The following ZNF292 variants were observed in gnomAD, a reference collection of about 807,000 sequenced individuals.
ZNF292 encodes the protein 16 zinc-finger domain protein.
ZNF292 carries 26 observed loss-of-function variants against 217.9 expected under a neutral mutation model. That is an observed-to-expected ratio of 0.12 (90% CI 0.09 to 0.17). ZNF292 has a LOEUF of 0.17. Among genes scored for constraint, ZNF292 ranks in the 10% least tolerant of loss-of-function variants. ZNF292 has a pLI of 1.00. For missense variants in ZNF292, 2,904 were observed against 3,175.2 expected, an observed-to-expected ratio of 0.91 and a Z score of 2.05; for synonymous variants, 1,257 against 1,124.1, an observed-to-expected ratio of 1.12 and a Z score of -2.37.
intron 5 of ZNF292, 60 bp downstream of exon 5, chr6:87,233,587 A>G: frequency 6.4e-7 from 1 of 1,562,498 alleles, no homozygotes; most frequent in Non-Finnish European, 8.7e-7. Context: ...ATTTTTAATT[A>G]GAATGTCTTT....
At chr6:87,216,912 A>G (rs73754114) in intron 3 of ZNF292, among the ~76,000 whole-genome samples, 1,682 of 152,042 alleles carry the variant, frequency 0.011, 35 homozygotes, top group African/African-American at 0.037. Context: ...TGCTTTGTCT[A>G]TTTTATTTAG....
rs769464672 is a variant in ZNF292 at position 87,260,386 on chromosome 6, G to A, written c.6757G>A (p.Asp2253Asn). 1.9e-6 allele frequency: 3 copies of A among 1,613,580 alleles called. No individual in the cohort carries two copies. Among genetic ancestry groups the A allele is most frequent in the Non-Finnish European group, 2.5e-6 (3 of 1,179,654 alleles). ...IGLRASKTEE[D>N]GVYKCDCEGC... is the part of the protein sequence containing the mutation. ...ACTAAGGGCAAGTAAAACAGAAGAA[G>A]ATGGTGTATACAAATGTGATTGTGA... The change falls in exon 8 of 8, where the codon GAT (aspartate) becomes AAT (asparagine). Residue 2253 changes from aspartate to asparagine, a missense_variant. This residue lies in a region of ZNF292 where 55 missense variants were observed against 99.8 expected (regional missense o/e 0.55). Transcript: ENST00000369577.
At chr6:87,228,696 C>A (rs918243789) in intron 4 of ZNF292, among the ~76,000 whole-genome samples, 44 of 152,168 alleles carry the variant, frequency 2.9e-4, no homozygotes, top group African/African-American at 1.1e-3. Flanking sequence ...GTTCTTTCCC[C>A]ATTGAGTCAC....
Position 87,260,507 on chromosome 6 carries a change from G to T in ZNF292, c.6878G>T (p.Arg2293Ile). Residue 2293 changes from arginine (R) to isoleucine (I), a missense_variant, in exon 8 of 8, where the codon AGA becomes ATA. Physicochemically the swap from Arg to Ile is moderately conservative, Grantham distance 97. Coordinates refer to ENST00000369577, the MANE Select transcript of ZNF292 (RefSeq NM_015021.3). The part of the protein sequence containing the change: ...DKHKAHLIRP[R>I]RLTPGQENMS... Reference sequence around the variant, plus strand: ...CATAAGGCTCATTTGATTCGTCCAAGAAGATTAACACCAGGCCAGGAAAAT... The same window carrying T: ...CATAAGGCTCATTTGATTCGTCCAATAAGATTAACACCAGGCCAGGAAAAT... The T allele has an allele frequency of 6.2e-7, 1 of 1,613,370 alleles. No individual in the cohort carries two copies. The highest frequency in any genetic ancestry group is 8.5e-7 in the Non-Finnish European group (1 of 1,179,686).
chr6:87,214,694 G>A (rs147468645), intron 1 of ZNF292, among the ~76,000 whole-genome samples: 2 of 152,106 alleles, frequency 1.3e-5, no homozygotes, highest in East Asian at 1.9e-4. Flanking sequence ...TCACTTCTTA[G>A]GGGGAAAGGA....
intron 4 of ZNF292, among the ~76,000 whole-genome samples, chr6:87,221,611 C>T (rs1211089805): frequency 1.3e-5 from 2 of 152,032 alleles, no homozygotes; most frequent in Non-Finnish European, 2.9e-5. Flanking sequence ...TTAAAGATTG[C>T]CATCATGTCT....
chr6:87,205,511 A>G (rs1348991862), intron 1 of ZNF292, among the ~76,000 whole-genome samples: 1 of 152,008 alleles, frequency 6.6e-6, no homozygotes, highest in Non-Finnish European at 1.5e-5. Context: ...ACATTTTAGT[A>G]ATGTTCTAAC....
chr6:87,243,280 G>GT (rs58565257), intron 5 of ZNF292, among the ~76,000 whole-genome samples, 195 bp from the exon 6 acceptor site: 57,513 of 136,244 alleles, frequency 0.42, 11,869 homozygotes, highest in Admixed American at 0.53. Flanking sequence ...ATAAAGAAAG[G>GT]TTTTTTTTTT....
chr6:87,261,174 G>C lies in ZNF292; in HGVS notation c.7545G>C (p.Gln2515His), dbSNP rs1775571086. Reference sequence around the variant, plus strand: ...CTTCAAATGTAAGTAATGATTTTCAGGAAGATAACCTCTGCCAGTCAGAAA... The same window carrying C: ...CTTCAAATGTAAGTAATGATTTTCACGAAGATAACCTCTGCCAGTCAGAAA... ...NTSSNVSNDF[Q>H]EDNLCQSERQ... is the part of the protein sequence containing the mutation. Residue 2515 changes from glutamine to histidine, a missense_variant, in exon 8 of 8, where the codon CAG becomes CAC. By Grantham distance (24) the Gln-to-His change is conservative. Around this residue, in one of 15 missense-constraint regions of ZNF292, gnomAD observed 380 missense variants for 355.3 expected, o/e 1.07. Transcript: ENST00000369577. 1 of 1,612,940 alleles carries C rather than the reference G, an allele frequency of 6.2e-7. No individual in the cohort carries two copies. The highest frequency in any genetic ancestry group is 1.7e-5 in the Admixed American group (1 of 59,824).
chr6:87,231,949 A>C (rs1773678880), intron 4 of ZNF292, among the ~76,000 whole-genome samples: 1 of 152,192 alleles, frequency 6.6e-6, no homozygotes, highest in East Asian at 1.9e-4. Context: ...TTGCTTTGGC[A>C]GTGAACTAAA....
At position 87,256,183 on chromosome 6, in the gene ZNF292, A is replaced by C; in HGVS notation, c.2554A>C (p.Ile852Leu). 1.2e-6 allele frequency: 2 copies of C among 1,613,890 alleles called. No homozygotes were observed. Among genetic ancestry groups the C allele is most frequent in the Non-Finnish European group, 1.7e-6 (2 of 1,179,854 alleles). The change falls in exon 8 of 8, where the codon ATT becomes CTT. Residue 852 changes from isoleucine to leucine, a missense_variant. By Grantham distance (5) the Ile-to-Leu change is conservative. Transcript: ENST00000369577. Reference sequence around the variant, plus strand: ...CCAACTTAATTCATCTGGAGATTCCATTCAGCCTTCTGAAGTGAATCAGAA... The same window carrying C: ...CCAACTTAATTCATCTGGAGATTCCCTTCAGCCTTCTGAAGTGAATCAGAA... The part of the protein sequence containing the change: ...EAQLNSSGDS[I>L]QPSEVNQNTA...
At chr6:87,160,936 C>A (rs1222239197) in intron 1 of ZNF292, among the ~76,000 whole-genome samples, 1 of 151,976 alleles carries the variant, frequency 6.6e-6, no homozygotes, top group Admixed American at 6.6e-5. Flanking sequence ...TTTTCAGAAA[C>A]ATTGAACAGA....
chr6:87,261,047 TTGAAAAAAA>T lies in ZNF292; in HGVS notation c.7426_7434del (p.Asn2476_Lys2478del), dbSNP rs754166106. ...ACAGCTACAGTTTCACAAAAGGAAG[TTGAAAAAAA>T]TGAAAAAGATGAAATGGATGAACTA... is the stretch of plus-strand genomic sequence containing the variant. On this transcript the variant is annotated inframe_deletion, in exon 8 of 8. Transcript: ENST00000369577. The T allele has an allele frequency of 1.2e-5, 19 of 1,603,180 alleles. No homozygotes were observed. The Admixed American group carries it at 1.5e-4, about 13-fold the overall frequency.
intron 1 of ZNF292, among the ~76,000 whole-genome samples, chr6:87,166,708 G>T (rs1770927610): frequency 6.6e-6 from 1 of 152,142 alleles, no homozygotes; most frequent in African/African-American, 2.4e-5. Flanking sequence ...ATTTTCAATG[G>T]TTGAAAATTT....
intron 1 of ZNF292, among the ~76,000 whole-genome samples, chr6:87,181,420 C>T (rs1177244484): frequency 1.3e-5 from 2 of 152,108 alleles, no homozygotes; most frequent in African/African-American, 2.4e-5. Context: ...CGCTCTCCAC[C>T]GCTTCTCTTG....
intron 1 of ZNF292, among the ~76,000 whole-genome samples, chr6:87,202,143 A>T (rs2147921): frequency 0.63 from 95,378 of 152,104 alleles, 31,386 homozygotes; most frequent in African/African-American, 0.83. Flanking sequence ...CTTTTTAAAT[A>T]TGGCTCATAT....
chr6:87,235,319 C>T (rs1441483924), intron 5 of ZNF292, among the ~76,000 whole-genome samples: 1 of 152,122 alleles, frequency 6.6e-6, no homozygotes, highest in Non-Finnish European at 1.5e-5. Context: ...CTTTTATTAT[C>T]AGTTCAGTCC....
chr6:87,246,371 A>G (rs1007694666), intron 7 of ZNF292, among the ~76,000 whole-genome samples: 14 of 152,384 alleles, frequency 9.2e-5, no homozygotes, highest in South Asian at 2.1e-4. Context: ...ATAAAATAAA[A>G]CAAACATCTT....
Position 87,257,840 on chromosome 6 carries a change from A to G in ZNF292, c.4211A>G (p.Asp1404Gly). 1 of 1,613,912 alleles carries G rather than the reference A, an allele frequency of 6.2e-7. No individual in the cohort carries two copies. The highest frequency in any genetic ancestry group is 8.5e-7 in the Non-Finnish European group (1 of 1,179,808). Reference protein sequence around the residue: ...LSKRSYCKPLDGAEIAQELLQ... With the variant: ...LSKRSYCKPLGGAEIAQELLQ... ...AAGCGATCTTACTGTAAACCACTGG[A>G]TGGAGCCGAAATTGCTCAAGAACTT... Residue 1404 changes from aspartate (D) to glycine (G), a missense_variant, in exon 8 of 8, where the codon GAT becomes GGT. Transcript: ENST00000369577.
Sources: allele counts gnomAD v4.1 joint callset (sites outside exome capture counted in the v4.1 genomes callset), GRCh38; gene constraint gnomAD v4.1.1; regional missense constraint gnomAD v4.1.1; transcripts MANE v1.5; gene names NCBI Gene and HGNC (gene_info 2026-07-23, HGNC 2026-07-21).